INTS7: variants seen among roughly 807,000 people sequenced by gnomAD.
INTS7 encodes chromosome 1 open reading frame 73.
A neutral mutation model predicts 109.2 loss-of-function variants in INTS7; 46 were observed. The ratio of observed to expected loss-of-function variants is 0.42; its 90% CI spans 0.33 to 0.54. INTS7 has a LOEUF of 0.54. Among genes scored for constraint, INTS7 ranks in the 20% least tolerant of loss-of-function variants. The pLI, the probability that INTS7 is intolerant of heterozygous loss-of-function variation, is 0.07. For missense variants in INTS7, 929 were observed against 1,132.4 expected (o/e 0.82, Z 2.58); for synonymous variants, 412 against 402.9 (o/e 1.02, Z -0.27).
intron 1 of INTS7, chr1:212,030,761 C>T (rs1277228233): frequency 1.3e-5 from 2 of 152,124 alleles, no homozygotes; most frequent in Non-Finnish European, 2.9e-5. Flanking sequence ...GCTGCTGAGG[C>T]CTTTCTCTTG....
chr1:212,005,220 T>G (rs1168247826), intron 7 of INTS7, among the ~76,000 whole-genome samples: 1 of 152,134 alleles, frequency 6.6e-6, no homozygotes, highest in Non-Finnish European at 1.5e-5. Context: ...ACCAGTGTAA[T>G]GCTGAGCAAA....
At chr1:211,983,209 C>CT (rs893888701) in intron 8 of INTS7, among the ~76,000 whole-genome samples, 3 of 150,864 alleles carry the variant, frequency 2.0e-5, no homozygotes, top group Admixed American at 6.6e-5. Flanking sequence ...TTTAAATTTG[C>CT]TTTTTTTTTC....
intron 1 of INTS7, among the ~76,000 whole-genome samples, chr1:212,030,219 A>G (rs1021975631): frequency 3.3e-5 from 5 of 152,020 alleles, no homozygotes; most frequent in African/African-American, 1.2e-4. Context: ...GGAATTACCA[A>G]CCAGGCTGCT....
intron 13 of INTS7, among the ~76,000 whole-genome samples, chr1:211,972,434 G>C (rs1664222050): frequency 6.6e-6 from 1 of 152,104 alleles, no homozygotes; most frequent in Non-Finnish European, 1.5e-5. Flanking sequence ...ATGTTCAAAG[G>C]AAATGTTCAT....
intron 17 of INTS7, among the ~76,000 whole-genome samples, chr1:211,947,026 G>T (rs1571837210): frequency 6.6e-6 from 1 of 152,184 alleles, no homozygotes; most frequent in East Asian, 1.9e-4. Context: ...AATTATATTA[G>T]ATACTAAAAT....
At chr1:212,035,247 G>C in intron 1 of INTS7, 97 bp downstream of exon 1, 1 of 819,138 alleles carries the variant, frequency 1.2e-6, no homozygotes, top group Non-Finnish European at 2.1e-6. Flanking sequence ...GAAGACATGC[G>C]CATGCGCCTA....
chr1:211,982,340 T>A (rs760304933), intron 9 of INTS7, among the ~76,000 whole-genome samples: 8 of 152,166 alleles, frequency 5.3e-5, no homozygotes, highest in Non-Finnish European at 1.2e-4. Context: ...TAGGTTTTTG[T>A]ATAAGTGAAC....
At position 212,007,309 on chromosome 1, in the gene INTS7, C is replaced by T. The variant is rs1248879835; in HGVS notation, c.697G>A (p.Val233Met). 6.2e-7 allele frequency: 1 copy of T among 1,614,032 alleles called. No homozygotes were observed. The highest frequency in any genetic ancestry group is 1.3e-5 in the African/African-American group (1 of 75,048). The change falls in exon 6 of 20, where the codon GTG (valine) becomes ATG (methionine). Residue 233 changes from valine (V) to methionine (M), a missense_variant. Transcript: ENST00000366994. ...AGCAGAGTGAAAGTGTGCAAAGACACAATCACCATTTTGGTGGACGGATAG... is the reference window on the plus strand; with the variant it reads ...AGCAGAGTGAAAGTGTGCAAAGACATAATCACCATTTTGGTGGACGGATAG... ...TSYPSTKMVIVSLHTFTLLAA... is the reference protein window; with the variant it reads ...TSYPSTKMVIMSLHTFTLLAA...
At chr1:212,009,639 T>C (rs1168645301) in intron 5 of INTS7, among the ~76,000 whole-genome samples, 2 of 152,198 alleles carry the variant, frequency 1.3e-5, no homozygotes, top group Non-Finnish European at 1.5e-5. Flanking sequence ...AGAACTACAT[T>C]ATCCCCTATA....
In INTS7 at chr1:211,968,503, T is replaced by C; in HGVS notation, c.2010+10A>G. On this transcript the variant is annotated intron_variant, in intron 14 of 19. Coordinates refer to ENST00000366994, the MANE Select transcript of INTS7 (RefSeq NM_015434.4). The stretch of plus-strand genomic sequence containing the variant: ...TGTAAATAAAAAATGCACTGAAAGT[T>C]AAGACATGCCTGATTGGAGATGCGA... 6.2e-7 allele frequency: 1 copy of C among 1,603,338 alleles called. No homozygotes were observed. The highest frequency in any genetic ancestry group is 1.1e-5 in the South Asian group (1 of 89,674).
intron 16 of INTS7, 100 bp from the exon 17 acceptor site, chr1:211,952,801 A>C: frequency 8.9e-7 from 1 of 1,126,428 alleles, no homozygotes; most frequent in Non-Finnish European, 1.3e-6. Context: ...TTAATTTTTA[A>C]AATAATGAAG....
rs1304688474 is a variant in INTS7, at chr1:211,968,652, C to T, written c.1871G>A (p.Arg624Lys). 6.2e-7 allele frequency: 1 copy of T among 1,613,326 alleles called. No individual in the cohort carries two copies. The highest frequency in any genetic ancestry group is 8.5e-7 in the Non-Finnish European group (1 of 1,179,884). The change falls in exon 14 of 20, where the codon AGG becomes AAG. Residue 624 changes from arginine to lysine, a missense_variant. Transcript: ENST00000366994. ...LSFQCEFVKL[R>K]IDLLQAFSQL... The stretch of plus-strand genomic sequence containing the variant: ...AGAGAAGGCTTGTAAAAGGTCAATC[C>T]TGAGTTTTACAAATTCACACTGAAA...
At chr1:212,005,263 A>G (rs1665853682) in intron 7 of INTS7, among the ~76,000 whole-genome samples, 1 of 152,206 alleles carries the variant, frequency 6.6e-6, no homozygotes, top group Admixed American at 6.5e-5. Context: ...AGTATTCTTT[A>G]GGAAGACATG....
intron 5 of INTS7, among the ~76,000 whole-genome samples, chr1:212,011,057 A>G (rs1375261021): frequency 2.6e-5 from 4 of 152,110 alleles, no homozygotes; most frequent in African/African-American, 7.2e-5. Flanking sequence ...CCTTCTCTCA[A>G]CCCACCAACG....
In INTS7 at chr1:211,975,340, C is replaced by T. The variant is rs1664371374; in HGVS notation, c.1641G>A (p.Gln547=). The T allele has an allele frequency of 6.2e-7, 1 of 1,613,988 alleles. No homozygotes were observed. The highest frequency in any genetic ancestry group is 8.5e-7 in the Non-Finnish European group (1 of 1,179,936). The change falls in exon 13 of 20, where the codon CAG becomes CAA. Residue 547 remains glutamine, a synonymous_variant. Transcript: ENST00000366994. ...CTGAGGCAACCTGAGTCAGCAAACTCTGATAAAGCTCTTTGGCCATGTCAT... is the reference window on the plus strand; with the variant it reads ...CTGAGGCAACCTGAGTCAGCAAACTTTGATAAAGCTCTTTGGCCATGTCAT... The part of the protein sequence containing the change: ...GNHDMAKELY[Q]SLLTQVASEH...
At chr1:211,965,151 C>T (rs1024075474) in intron 16 of INTS7, among the ~76,000 whole-genome samples, 1 of 150,040 alleles carries the variant, frequency 6.7e-6, no homozygotes, top group Admixed American at 6.6e-5. Context: ...GACATGAACA[C>T]TTTTCAAAGA....
At chr1:212,007,883 T>C (rs927722757) in intron 5 of INTS7, among the ~76,000 whole-genome samples, 4 of 152,192 alleles carry the variant, frequency 2.6e-5, no homozygotes, top group African/African-American at 4.8e-5. Context: ...ATAAACTGTG[T>C]GTAGAATGGT....
chr1:212,032,779 G>A (rs1002206613), intron 1 of INTS7, among the ~76,000 whole-genome samples: 1 of 152,056 alleles, frequency 6.6e-6, no homozygotes, highest in African/African-American at 2.4e-5. Flanking sequence ...ACGCCCGACT[G>A]ACTCTGGTTA....
chr1:211,989,041 A>G (rs1172389516), intron 7 of INTS7, among the ~76,000 whole-genome samples: 1 of 152,234 alleles, frequency 6.6e-6, no homozygotes, highest in Non-Finnish European at 1.5e-5. Flanking sequence ...TGTTAAATTA[A>G]TTTCCATTCT....
Sources: allele counts gnomAD v4.1 joint callset (sites outside exome capture counted in the v4.1 genomes callset), GRCh38; gene constraint gnomAD v4.1.1; transcripts MANE v1.5; gene names NCBI Gene and HGNC (gene_info 2026-07-23, HGNC 2026-07-21).